The following NRXN3 variants were observed in gnomAD, a reference collection of about 807,000 sequenced individuals.
NRXN3 encodes neurexin III.
In NRXN3, 32 loss-of-function variants were observed where a neutral mutation model predicts 137.6. That is an observed-to-expected ratio of 0.23 (90% CI 0.18 to 0.31). The LOEUF (loss-of-function observed/expected upper bound fraction) is 0.31, where lower values mean the gene tolerates loss of function less well. Ranked by LOEUF, NRXN3 falls within the 10% of genes least tolerant of loss-of-function variation. NRXN3 has a pLI of 1.00. For synonymous variants in NRXN3, 798 were observed against 784.5 expected, an observed-to-expected ratio of 1.02 and a Z score of -0.29; for missense variants, 1,574 against 2,062.5, an observed-to-expected ratio of 0.76 and a Z score of 4.59.
chr14:79,531,203 C>A (rs932364070), intron 16 of NRXN3, among the ~76,000 whole-genome samples: 1 of 152,094 alleles, frequency 6.6e-6, no homozygotes, highest in East Asian at 1.9e-4. Context: ...ATGCTCATAC[C>A]CTAGTTTTTA....
At chr14:79,478,835 C>G (rs1213456555) in intron 16 of NRXN3, among the ~76,000 whole-genome samples, 2 of 152,060 alleles carry the variant, frequency 1.3e-5, no homozygotes, top group South Asian at 2.1e-4. Flanking sequence ...AGATTAGCAA[C>G]CAGGCAAGTG....
chr14:78,636,240 A>G (rs2097565842), intron 4 of NRXN3, among the ~76,000 whole-genome samples: 2 of 152,112 alleles, frequency 1.3e-5, no homozygotes, highest in Non-Finnish European at 2.9e-5. Flanking sequence ...GGGCTTCTTT[A>G]TAATTTTTCC....
At chr14:79,321,163 A>G (rs543169990) in intron 15 of NRXN3, among the ~76,000 whole-genome samples, 1 of 152,208 alleles carries the variant, frequency 6.6e-6, no homozygotes, top group African/African-American at 2.4e-5. Flanking sequence ...TTGTTTATAT[A>G]TGACTAAAGG....
Position 79,033,413 on chromosome 14 carries a change from T to C in NRXN3, c.3262+45272T>C, listed in dbSNP as rs543716259. 3.3e-5 allele frequency among the ~76,000 whole-genome samples: 5 copies of C among 152,246 alleles called. No individual in the cohort carries two copies. The South Asian group carries it at 1.0e-3, about 32-fold the overall frequency. On this transcript the variant is annotated intron_variant, in intron 15 of 20. Transcript: ENST00000335750. ...ATCCACTGAAGGGAACAGTGTAGCA[T>C]AGCTCATATTACCAAATATCTGCAT...
chr14:78,470,661 T>C (rs1309847606), intron 4 of NRXN3, among the ~76,000 whole-genome samples: 3 of 151,996 alleles, frequency 2.0e-5, no homozygotes, highest in South Asian at 2.1e-4. Flanking sequence ...ATGAATACAA[T>C]AGATAAATAG....
intron 20 of NRXN3, chr14:79,853,708 T>A: frequency 8.2e-7 from 1 of 1,222,908 alleles, no homozygotes; most frequent in African/African-American, 1.6e-5. Flanking sequence ...TTAGCATTGT[T>A]AAAATTTATG....
At chr14:79,089,269 C>CATATCACTTTA (rs1381582878) in intron 15 of NRXN3, among the ~76,000 whole-genome samples, 15 of 151,966 alleles carry the variant, frequency 9.9e-5, no homozygotes, top group Admixed American at 2.0e-4. Context: ...AATTTACATA[C>CATATCACTTTA]CAAATAAGTG....
intron 15 of NRXN3, among the ~76,000 whole-genome samples, chr14:79,159,384 A>G (rs947128415): frequency 6.6e-6 from 1 of 151,872 alleles, no homozygotes; most frequent in African/African-American, 2.4e-5. Flanking sequence ...ATCTGAGCAC[A>G]GTGGTCTTGA....
chr14:79,059,015 A>T (rs2099670138), intron 15 of NRXN3, among the ~76,000 whole-genome samples: 1 of 152,116 alleles, frequency 6.6e-6, no homozygotes, highest in Non-Finnish European at 1.5e-5. Flanking sequence ...TCTTCATAGC[A>T]GTGTGAAAAT....
intron 16 of NRXN3, among the ~76,000 whole-genome samples, chr14:79,629,910 T>C (rs2098327233): frequency 6.6e-6 from 1 of 152,024 alleles, no homozygotes; most frequent in Non-Finnish European, 1.5e-5. Context: ...AATTTGATGA[T>C]GGCAGCAACA....
intron 15 of NRXN3, among the ~76,000 whole-genome samples, chr14:79,157,762 A>G (rs527430870): frequency 4.6e-5 from 7 of 151,840 alleles, no homozygotes; most frequent in Non-Finnish European, 1.0e-4. Flanking sequence ...AACTCTAGGT[A>G]CTTTGTTGGG....
intron 19 of NRXN3, among the ~76,000 whole-genome samples, chr14:79,736,688 A>G (rs375817806): frequency 1.3e-5 from 2 of 152,190 alleles, no homozygotes; most frequent in African/African-American, 2.4e-5. Context: ...CTGGGAGCCC[A>G]TGTTATTTAT....
intron 16 of NRXN3, among the ~76,000 whole-genome samples, chr14:79,581,593 T>C (rs563195818): frequency 6.6e-6 from 1 of 152,316 alleles, no homozygotes; most frequent in African/African-American, 2.4e-5. Context: ...CTTTGATATA[T>C]CATCCTTCTT....
rs1055587679 is a variant in NRXN3, at chr14:78,950,794, A to G, written c.2276-6448A>G. The stretch of plus-strand genomic sequence containing the variant: ...CTAAGAAAAATCAGGCAAGCAGTGA[A>G]CTTTGATTCATACGTCTCAGCAGCA... On this transcript the variant is annotated intron_variant, in intron 10 of 20. Transcript: ENST00000335750. Among the ~76,000 whole-genome samples, 9 of 152,250 alleles carry G rather than the reference A, an allele frequency of 5.9e-5. No homozygotes were observed. In the South Asian group the frequency reaches 6.2e-4, roughly 11 times the overall value.
At chr14:78,401,812 C>G (rs1342790642) in intron 4 of NRXN3, among the ~76,000 whole-genome samples, 1 of 152,280 alleles carries the variant, frequency 6.6e-6, no homozygotes, top group East Asian at 1.9e-4. Context: ...ACCAGCTAAA[C>G]TATTCATTAT....
At chr14:78,969,372 GT>G in intron 14 of NRXN3, among the ~76,000 whole-genome samples, 1 of 152,320 alleles carries the variant, frequency 6.6e-6, no homozygotes, top group East Asian at 1.9e-4. Context: ...GGCTGAAAAC[GT>G]GACTGTTACC....
intron 8 of NRXN3, among the ~76,000 whole-genome samples, chr14:78,793,276 TAA>T (rs1433526205): frequency 6.6e-6 from 1 of 151,874 alleles, no homozygotes; most frequent in African/African-American, 2.4e-5. Flanking sequence ...TAAAAGAAAA[TAA>T]AGTTACTCAG....
chr14:78,893,285 G>A (rs202247067), intron 10 of NRXN3, among the ~76,000 whole-genome samples: 2 of 151,912 alleles, frequency 1.3e-5, no homozygotes, highest in East Asian at 3.9e-4. Flanking sequence ...TGGATGAGTT[G>A]GTTTATTCCT....
At chr14:78,888,848 T>TACACACGCACACACACACACACACAC (rs2099150916) in intron 10 of NRXN3, among the ~76,000 whole-genome samples, 5 of 146,318 alleles carry the variant, frequency 3.4e-5, no homozygotes, top group African/African-American at 1.3e-4. Context: ...ATCACACACA[T>TACACACGCACACACACACACACACAC]ACACACACAC....
Sources: gnomAD v4.1 joint callset for allele counts (sites outside exome capture counted in the v4.1 genomes callset) on GRCh38, gnomAD v4.1.1 for gene constraint, MANE v1.5 for transcripts, NCBI Gene and HGNC (gene_info 2026-07-23, HGNC 2026-07-21) for gene names.